Variants in GALNT11 observed in about 807,000 individuals in gnomAD.
The protein encoded by GALNT11 is UDP-GalNAc:polypeptide N-acetylgalactosaminyltransferase 11.
In GALNT11, 47 loss-of-function variants were observed where a neutral mutation model predicts 72.7. The ratio of observed to expected loss-of-function variants is 0.65; its 90% CI spans 0.51 to 0.82. The LOEUF is 0.82. Among genes scored for constraint, GALNT11 ranks in the 40% least tolerant of loss-of-function variants. The probability of loss-of-function intolerance (pLI) is 0.00; values close to 1 mark genes in which losing one functional copy is unlikely to be tolerated. For synonymous variants in GALNT11, 270 were observed against 286.6 expected, an observed-to-expected ratio of 0.94 and a Z score of 0.58; for missense variants, 677 against 778.4, an observed-to-expected ratio of 0.87 and a Z score of 1.55.
At chr7:152,119,008 A>G (rs1017566851) in intron 10 of GALNT11, 9 of 365,712 alleles carry the variant, frequency 2.5e-5, no homozygotes, top group Non-Finnish European at 3.9e-5. Context: ...AAAAACTGCA[A>G]CCTCCAGCAT....
In GALNT11 at chr7:152,108,216, A is replaced by C. The variant is rs1201669759; in HGVS notation, c.891A>C (p.Gly297=). The change falls in exon 6 of 12, where the codon GGA becomes GGC. Residue 297 remains glycine (G), a synonymous_variant. Transcript: ENST00000430044. The part of the protein sequence containing the change: ...SPVVRGGFNW[G]LHFKWDLVPL... ...TCGTCCGCGGAGGGTTCAACTGGGG[A>C]CTGCACTTCAAATGGGATCTTGTCC... The C allele has an allele frequency of 5.6e-6, 9 of 1,614,032 alleles. No individual in the cohort carries two copies. The highest frequency in any genetic ancestry group is 7.6e-6 in the Non-Finnish European group (9 of 1,180,034).
chr7:152,092,813 A>G (rs2086126072), intron 1 of GALNT11, among the ~76,000 whole-genome samples: 1 of 152,190 alleles, frequency 6.6e-6, no homozygotes, highest in Non-Finnish European at 1.5e-5. Flanking sequence ...ATGTATCTAC[A>G]TTGCTTATAT....
intron 8 of GALNT11, among the ~76,000 whole-genome samples, chr7:152,116,067 T>G (rs2088817234): frequency 6.6e-6 from 1 of 152,122 alleles, no homozygotes; most frequent in South Asian, 2.1e-4. Flanking sequence ...AAAAAAAATT[T>G]ACTGAGGAGA....
intron 1 of GALNT11, among the ~76,000 whole-genome samples, chr7:152,062,925 T>C (rs2084100007): frequency 6.6e-6 from 1 of 152,242 alleles, no homozygotes; most frequent in African/African-American, 2.4e-5. Context: ...TCTAAAATTC[T>C]CTTTTTTTGT....
chr7:152,116,272 T>C (rs1405573432), intron 8 of GALNT11, among the ~76,000 whole-genome samples: 1 of 152,116 alleles, frequency 6.6e-6, no homozygotes, highest in African/African-American at 2.4e-5. Context: ...GTTTTTTGAA[T>C]CAGAGTCTTA....
rs1048362764 is a variant in GALNT11 at position 152,094,109 on chromosome 7, G to A, written c.-38-81G>A. 4 of 1,191,658 alleles carry A rather than the reference G, an allele frequency of 3.4e-6. No homozygotes were observed. In the East Asian group the frequency reaches 7.1e-5, roughly 21 times the overall value. 73.8% of individuals were successfully genotyped at this position (1,191,658 alleles called of 1,614,324 possible). A position where few individuals can be genotyped will look rare whatever the true frequency, so the allele number is the denominator to read the frequency against. ...GTACGCATAGTGGTCCTACTTGGTG[G>A]TTTGGAAAACAGTGATTCTGTATTT... On this transcript the variant is annotated intron_variant, in intron 1 of 11. Coordinates refer to ENST00000430044, the MANE Select transcript of GALNT11 (RefSeq NM_022087.4). This position sits in a 1 kb window ranked among gnomAD's most constrained non-coding sequence, Gnocchi z 4.3.
chr7:152,054,790 A>G (rs745846728), intron 1 of GALNT11, among the ~76,000 whole-genome samples: 3 of 152,006 alleles, frequency 2.0e-5, no homozygotes, highest in Non-Finnish European at 2.9e-5. Context: ...AAGTGCTAGG[A>G]CTACAGGCGT....
chr7:152,108,329 C>A, intron 6 of GALNT11, 42 bp downstream of exon 6: 1 of 1,568,664 alleles, frequency 6.4e-7, no homozygotes, highest in Non-Finnish European at 8.7e-7. Context: ...ACCAGTGCTT[C>A]CTTAAAAGAG....
chr7:152,112,918 G>A (rs1466402298), intron 7 of GALNT11, among the ~76,000 whole-genome samples: 1 of 152,094 alleles, frequency 6.6e-6, no homozygotes, highest in African/African-American at 2.4e-5. Context: ...ATAAAAATAA[G>A]CACTTCTTGT....
intron 1 of GALNT11, among the ~76,000 whole-genome samples, chr7:152,085,446 A>G (rs2085582841): frequency 6.6e-6 from 1 of 152,188 alleles, no homozygotes; most frequent in Admixed American, 6.6e-5. Context: ...TGCCTTAAGT[A>G]ACCTGAGATA....
chr7:152,081,616 T>G (rs1286005598), intron 1 of GALNT11, among the ~76,000 whole-genome samples: 1 of 152,236 alleles, frequency 6.6e-6, no homozygotes, highest in East Asian at 1.9e-4. Context: ...TCTAGTTTCC[T>G]GGATTGCATA....
At position 152,062,620 on chromosome 7, in the gene GALNT11, A is replaced by G. The variant is rs894895368; in HGVS notation, c.-38-31570A>G. Among the ~76,000 whole-genome samples the G allele has an allele frequency of 1.1e-4, 16 of 152,116 alleles. 1 individual carries two copies. The highest frequency in any genetic ancestry group is 2.2e-4 in the Non-Finnish European group (15 of 68,002). ...TGTGGGTTTGTCATAAATAGCTCTT[A>G]CTATTTTGAGATACATCCCATCAAT... On this transcript the variant is annotated intron_variant, in intron 1 of 11. Coordinates refer to ENST00000430044, the MANE Select transcript of GALNT11 (RefSeq NM_022087.4).
intron 1 of GALNT11, among the ~76,000 whole-genome samples, chr7:152,042,640 T>G (rs1487703649): frequency 6.6e-6 from 1 of 152,206 alleles, no homozygotes; most frequent in Admixed American, 6.5e-5. Flanking sequence ...GCAAATTTTT[T>G]CCTGTTCCCA....
intron 1 of GALNT11, among the ~76,000 whole-genome samples, chr7:152,086,537 G>C (rs921304304): frequency 1.3e-5 from 2 of 152,216 alleles, no homozygotes; most frequent in African/African-American, 4.8e-5. Context: ...TTGAAAGTTA[G>C]TATATTTTAC....
At position 152,084,380 on chromosome 7, in the gene GALNT11, T is replaced by TAA. The variant is rs11447244; in HGVS notation, c.-38-9787_-38-9786dup. On this transcript the variant is annotated intron_variant, in intron 1 of 11. Transcript: ENST00000430044. ...GCAACAGAGGGAGACCCTGTCTCTT[T>TAA]AAAAAAAAAAAAAAAAAAAAAAAAC... Among the ~76,000 whole-genome samples the TAA allele has an allele frequency of 9.7e-3, 1,019 of 105,286 alleles. 14 individuals carry two copies. Among genetic ancestry groups the TAA allele is most frequent in the African/African-American group, 0.035 (931 of 26,670 alleles). The allele number at this position is 105,286 out of a possible 152,430, so 69.1% of individuals were successfully genotyped here.
intron 1 of GALNT11, among the ~76,000 whole-genome samples, chr7:152,028,952 A>G (rs573517558): frequency 6.6e-6 from 1 of 152,360 alleles, no homozygotes; most frequent in East Asian, 1.9e-4. Flanking sequence ...GGTTAAAAAT[A>G]CAGGGCCCGA....
intron 1 of GALNT11, among the ~76,000 whole-genome samples, chr7:152,034,378 G>A (rs1055963239): frequency 6.6e-6 from 1 of 152,156 alleles, no homozygotes; most frequent in Non-Finnish European, 1.5e-5. Flanking sequence ...AAAAGGTCAA[G>A]CTTCAGGATA....
At chr7:152,027,191 G>A (rs546007679) in intron 1 of GALNT11, among the ~76,000 whole-genome samples, 1 of 152,204 alleles carries the variant, frequency 6.6e-6, no homozygotes, top group Non-Finnish European at 1.5e-5. Context: ...AGAGCTTGCA[G>A]TGAGCCGAGA....
At chr7:152,114,340 C>T (rs2088608377) in intron 8 of GALNT11, among the ~76,000 whole-genome samples, 1 of 152,196 alleles carries the variant, frequency 6.6e-6, no homozygotes, top group Admixed American at 6.5e-5. Flanking sequence ...TACTCCTTGT[C>T]TCTACTTAAT....
Sources: allele counts gnomAD v4.1 joint callset (sites outside exome capture counted in the v4.1 genomes callset), GRCh38; gene constraint gnomAD v4.1.1; non-coding constraint Gnocchi (gnomAD v3.1); transcripts MANE v1.5; gene names NCBI Gene and HGNC (gene_info 2026-07-23, HGNC 2026-07-21).